Variants in FAM120C observed in about 807,000 individuals in gnomAD.
FAM120C encodes family with sequence similarity 120 member C, also known as constitutive coactivator of PPAR-gamma-like protein 2.
A neutral mutation model predicts 71.2 loss-of-function variants in FAM120C; 14 were observed. The ratio of observed to expected loss-of-function variants is 0.20; its 90% CI spans 0.13 to 0.31. The LOEUF (loss-of-function observed/expected upper bound fraction) is 0.31, where lower values mean the gene tolerates loss of function less well. FAM120C is among the 10% of genes least tolerant of loss of function. The pLI is 1.00. For missense variants in FAM120C, 500 were observed against 879.0 expected, an observed-to-expected ratio of 0.57 and a Z score of 5.45; for synonymous variants, 354 against 353.2, an observed-to-expected ratio of 1.00 and a Z score of -0.03.
chrX:54,135,619 AAG>A lies in FAM120C; in HGVS notation c.1259-17_1259-16del. On this transcript the variant is annotated splice_polypyrimidine_tract_variant and intron_variant, in intron 5 of 15. Transcript: ENST00000375180. ...ATTCCGAAAACCTGAAGCCAAGAGA[AAG>A]AGCTATACTTCAGTCAATCCTAATA... 8.4e-7 allele frequency: 1 copy of A among 1,184,488 alleles called. No individual in the cohort carries two copies. The highest frequency in any genetic ancestry group is 1.7e-5 in the African/African-American group (1 of 57,371).
At chrX:54,143,291 A>G (rs1265110619) in intron 4 of FAM120C, among the ~76,000 whole-genome samples, 1 of 110,184 alleles carries the variant, frequency 9.1e-6, no homozygotes, top group Non-Finnish European at 1.9e-5. Flanking sequence ...AAAAGCTAGC[A>G]GAAGGCAAGA....
chrX:54,167,757 G>T (rs1293533138), intron 1 of FAM120C, among the ~76,000 whole-genome samples: 1 of 108,248 alleles, frequency 9.2e-6, no homozygotes, highest in Non-Finnish European at 1.9e-5. Flanking sequence ...ACAAAGTCAG[G>T]AGTTTGAAAC....
At chrX:54,073,800 C>T (rs1354602187) in intron 15 of FAM120C, among the ~76,000 whole-genome samples, 1 of 110,661 alleles carries the variant, frequency 9.0e-6, no homozygotes, top group Non-Finnish European at 1.9e-5. Context: ...AAATGAAATC[C>T]AATGGCAATG....
At chrX:54,158,688 G>T (rs782272307) in intron 2 of FAM120C, among the ~76,000 whole-genome samples, 1 of 111,456 alleles carries the variant, frequency 9.0e-6, no homozygotes, top group South Asian at 3.9e-4. Flanking sequence ...AGAATCACTT[G>T]AACCTGGGAG....
Position 54,082,831 on chromosome X carries a change from G to T in FAM120C, c.2840-1371C>A, listed in dbSNP as rs185140543. 4.9e-3 allele frequency among the ~76,000 whole-genome samples: 545 copies of T among 110,904 alleles called. 2 individuals are homozygous for T. Among genetic ancestry groups the T allele is most frequent in the Non-Finnish European group, 7.1e-3 (375 of 52,944 alleles). ...ACAGTAATTTATAATTAAAAAGCAAGAATAGGCCGGGCATGGTAGCTCACA... is the reference window on the plus strand; with the variant it reads ...ACAGTAATTTATAATTAAAAAGCAATAATAGGCCGGGCATGGTAGCTCACA... On this transcript the variant is annotated intron_variant, in intron 13 of 15. Transcript: ENST00000375180.
intron 10 of FAM120C, among the ~76,000 whole-genome samples, chrX:54,107,485 G>C (rs2066913093): frequency 9.1e-6 from 1 of 109,607 alleles, no homozygotes; most frequent in South Asian, 4.0e-4. Flanking sequence ...GAACATGTTA[G>C]GCAGTAGGAA....
intron 10 of FAM120C, among the ~76,000 whole-genome samples, chrX:54,103,040 C>G (rs1432027343): frequency 9.0e-6 from 1 of 111,335 alleles, no homozygotes; most frequent in African/African-American, 3.3e-5. Context: ...TTAATTTTAG[C>G]ATTAGTTTGT....
chrX:54,161,295 A>G (rs911622742), intron 1 of FAM120C, among the ~76,000 whole-genome samples: 2 of 111,740 alleles, frequency 1.8e-5, no homozygotes, highest in Non-Finnish European at 3.8e-5. Context: ...TGCAGGTATT[A>G]GAAGCCCCAT....
intron 1 of FAM120C, among the ~76,000 whole-genome samples, chrX:54,163,205 A>C (rs1392929065): frequency 8.9e-6 from 1 of 112,411 alleles, no homozygotes. Context: ...CTATGTTCAC[A>C]CAAAAACTTG....
At chrX:54,149,507 CGGGCGCCTG>C (rs2067174329) in intron 4 of FAM120C, among the ~76,000 whole-genome samples, 1 of 110,486 alleles carries the variant, frequency 9.1e-6, no homozygotes, top group Non-Finnish European at 1.9e-5. Context: ...GGCGTGGTGG[CGGGCGCCTG>C]TAATTCCAGC....
chrX:54,092,722 C>T (rs1224517377), intron 10 of FAM120C, among the ~76,000 whole-genome samples: 1 of 111,860 alleles, frequency 8.9e-6, no homozygotes, highest in Non-Finnish European at 1.9e-5. Context: ...TTGATAATGA[C>T]TGGCTCAGGT....
rs1698671854 is a variant in FAM120C, at chrX:54,116,570, G to A, written c.2287C>T (p.Leu763=). Residue 763 remains leucine, a synonymous_variant, in exon 10 of 16, where the codon CTG becomes TTG. Coordinates refer to ENST00000375180, the MANE Select transcript of FAM120C (RefSeq NM_017848.6). ...CGGAGTACACAACACATGAGCAGCA[G>A]ATGGGTGGGGACATTAGCTGGATTG... ...MLNPANVPTH[L]LLMCCVLRYM... 11 of 1,211,829 alleles carry A rather than the reference G, an allele frequency of 9.1e-6. No homozygotes were observed. The Admixed American group carries it at 2.4e-4, about 26-fold the overall frequency.
intron 10 of FAM120C, among the ~76,000 whole-genome samples, chrX:54,103,811 T>C (rs2066893573): frequency 9.0e-6 from 1 of 110,930 alleles, no homozygotes; most frequent in Non-Finnish European, 1.9e-5. Flanking sequence ...TATCTTATTA[T>C]TATTTTTGTT....
chrX:54,096,042 A>C (rs2066849928), intron 10 of FAM120C, among the ~76,000 whole-genome samples: 2 of 112,249 alleles, frequency 1.8e-5, no homozygotes, highest in South Asian at 7.3e-4. Context: ...TCATTCAGAA[A>C]ATGTAAAAAA....
intron 9 of FAM120C, among the ~76,000 whole-genome samples, chrX:54,128,626 G>A (rs905882152): frequency 8.1e-5 from 9 of 111,422 alleles, no homozygotes; most frequent in African/African-American, 1.3e-4. Flanking sequence ...GCGGCCTTCC[G>A]CAGTGTTTGT....
chrX:54,113,107 T>C (rs983424272), intron 10 of FAM120C, among the ~76,000 whole-genome samples: 3 of 110,917 alleles, frequency 2.7e-5, no homozygotes, highest in Non-Finnish European at 3.8e-5. Flanking sequence ...ATAAAAATCC[T>C]AGAAGAAAAC....
At chrX:54,131,513 A>T (rs1445725788) in intron 9 of FAM120C, among the ~76,000 whole-genome samples, 1 of 105,779 alleles carries the variant, frequency 9.5e-6, no homozygotes, top group Non-Finnish European at 1.9e-5. Flanking sequence ...ATCTCGGCTC[A>T]CCGCAACCTC....
At chrX:54,169,511 A>G (rs2067276698) in intron 1 of FAM120C, among the ~76,000 whole-genome samples, 1 of 111,668 alleles carries the variant, frequency 9.0e-6, no homozygotes, top group South Asian at 3.7e-4. Context: ...AAGTAACTTC[A>G]AACTAGAGGC....
intron 9 of FAM120C, among the ~76,000 whole-genome samples, chrX:54,125,585 C>T (rs782430151): frequency 1.8e-5 from 2 of 113,220 alleles, no homozygotes; most frequent in East Asian, 5.6e-4. Flanking sequence ...GGATTACAAG[C>T]GTGAGCGGCC....
Sources: allele counts gnomAD v4.1 joint callset (sites outside exome capture counted in the v4.1 genomes callset), GRCh38; gene constraint gnomAD v4.1.1; transcripts MANE v1.5; gene names NCBI Gene and HGNC (gene_info 2026-07-23, HGNC 2026-07-21).